The following GALNT17 variants were observed in gnomAD, a reference collection of about 807,000 sequenced individuals.
The protein encoded by GALNT17 is UDP-GalNAc:polypeptide N-acetylgalactosaminyltransferase-like 3.
A neutral mutation model predicts 63.7 loss-of-function variants in GALNT17; 29 were observed. That is an observed-to-expected ratio of 0.46 (90% CI 0.34 to 0.62). The LOEUF is 0.62. GALNT17 is among the 20% of genes least tolerant of loss of function. The probability of loss-of-function intolerance (pLI) is 0.01; values close to 1 mark genes in which losing one functional copy is unlikely to be tolerated. For missense variants in GALNT17, 603 were observed against 799.6 expected, an observed-to-expected ratio of 0.75 and a Z score of 2.97; for synonymous variants, 305 against 318.3, an observed-to-expected ratio of 0.96 and a Z score of 0.45.
chr7:71,521,409 A>G (rs1788528020), intron 5 of GALNT17, among the ~76,000 whole-genome samples: 1 of 152,086 alleles, frequency 6.6e-6, no homozygotes, highest in South Asian at 2.1e-4. Flanking sequence ...TTCATCTACC[A>G]TTCGTGTCCA....
At chr7:71,359,119 G>C (rs1401067073) in intron 2 of GALNT17, among the ~76,000 whole-genome samples, 3 of 152,242 alleles carry the variant, frequency 2.0e-5, no homozygotes, top group Non-Finnish European at 2.9e-5. Context: ...ACCATTGTTA[G>C]TGTCACAAGT....
chr7:71,410,156 GA>G (rs1485109178), intron 3 of GALNT17, among the ~76,000 whole-genome samples: 1 of 152,130 alleles, frequency 6.6e-6, no homozygotes, highest in Non-Finnish European at 1.5e-5. Context: ...TAGGCACTAA[GA>G]AACTATGATG....
chr7:71,469,046 A>C (rs897522287), intron 5 of GALNT17, among the ~76,000 whole-genome samples: 5 of 152,080 alleles, frequency 3.3e-5, no homozygotes, highest in Admixed American at 6.5e-5. Context: ...GGTAGAGAGC[A>C]CGGTGTTGGG....
chr7:71,350,355 A>T (rs1325915588), intron 2 of GALNT17, among the ~76,000 whole-genome samples: 1 of 152,184 alleles, frequency 6.6e-6, no homozygotes, highest in Non-Finnish European at 1.5e-5. Flanking sequence ...GAGACAGATG[A>T]TAAACTGGGA....
intron 7 of GALNT17, among the ~76,000 whole-genome samples, chr7:71,667,077 C>A (rs1163779761): frequency 6.6e-6 from 1 of 152,216 alleles, no homozygotes; most frequent in Non-Finnish European, 1.5e-5. Flanking sequence ...CACCCTCAGC[C>A]ACAGCTCAGT....
rs985839732 is a variant in GALNT17 at position 71,571,364 on chromosome 7, G to A, written c.1042G>A (p.Asp348Asn). The change falls in exon 6 of 11, where the codon GAT becomes AAT. Residue 348 changes from aspartate (D) to asparagine (N), a missense_variant. Coordinates refer to ENST00000333538, the MANE Select transcript of GALNT17 (RefSeq NM_022479.3). ...GEIGLLDPGM[D>N]VYGGENIELG... ...AATTGGTCTTCTGGATCCTGGCATG[G>A]ATGTATACGGAGGAGAAAATATTGA... 52 of 1,613,936 alleles carry A rather than the reference G, an allele frequency of 3.2e-5. No individual in the cohort carries two copies. Among genetic ancestry groups the A allele is most frequent in the Non-Finnish European group, 4.2e-5 (49 of 1,179,960 alleles).
chr7:71,248,669 T>C (rs1232196814), intron 1 of GALNT17, among the ~76,000 whole-genome samples: 1 of 152,194 alleles, frequency 6.6e-6, no homozygotes, highest in Non-Finnish European at 1.5e-5. Flanking sequence ...GGCTTCAGCT[T>C]TGTCATCTGT....
chr7:71,467,089 G>A (rs1298361012), intron 5 of GALNT17, among the ~76,000 whole-genome samples: 1 of 152,168 alleles, frequency 6.6e-6, no homozygotes, highest in Non-Finnish European at 1.5e-5. Flanking sequence ...ACATTGGTGG[G>A]AATGAAGTTC....
At chr7:71,669,465 C>T (rs1227386053) in intron 7 of GALNT17, among the ~76,000 whole-genome samples, 2 of 151,554 alleles carry the variant, frequency 1.3e-5, no homozygotes, top group East Asian at 2.0e-4. Flanking sequence ...GAGATGAGAT[C>T]GTGCCACTGC....
chr7:71,440,641 T>C (rs1339047358), intron 5 of GALNT17, among the ~76,000 whole-genome samples: 4 of 152,190 alleles, frequency 2.6e-5, no homozygotes, highest in Admixed American at 1.3e-4. Flanking sequence ...CCCAAAGTGC[T>C]GGGATTACAG....
chr7:71,315,379 G>A (rs1425545312), intron 1 of GALNT17, among the ~76,000 whole-genome samples: 1 of 152,176 alleles, frequency 6.6e-6, no homozygotes, highest in African/African-American at 2.4e-5. Context: ...TTGCTGTTGG[G>A]TACATACCTA....
At chr7:71,147,670 C>T (rs942330032) in intron 1 of GALNT17, among the ~76,000 whole-genome samples, 9 of 151,842 alleles carry the variant, frequency 5.9e-5, no homozygotes, top group South Asian at 2.1e-4. Flanking sequence ...CTCACTCTGT[C>T]GTCCAGGCTG....
chr7:71,435,733 TC>T (rs1314894780), intron 5 of GALNT17, among the ~76,000 whole-genome samples: 1 of 151,004 alleles, frequency 6.6e-6, no homozygotes, highest in Non-Finnish European at 1.5e-5. Flanking sequence ...AAAACTCTGA[TC>T]CCCAGCCAGG....
intron 6 of GALNT17, among the ~76,000 whole-genome samples, chr7:71,644,412 G>A (rs1790645270): frequency 6.6e-6 from 1 of 151,320 alleles, no homozygotes; most frequent in African/African-American, 2.4e-5. Flanking sequence ...GCATGCGCCT[G>A]GAATCCAAGC....
chr7:71,311,979 C>T (rs1437659454), intron 1 of GALNT17, among the ~76,000 whole-genome samples: 1 of 152,194 alleles, frequency 6.6e-6, no homozygotes, highest in Non-Finnish European at 1.5e-5. Flanking sequence ...AAGCACTTCT[C>T]CATGAGACAT....
intron 1 of GALNT17, among the ~76,000 whole-genome samples, chr7:71,309,557 A>G (rs777200487): frequency 6.6e-5 from 10 of 152,108 alleles, no homozygotes; most frequent in African/African-American, 9.7e-5. Context: ...TTACTGCAAA[A>G]GTTGTCCCCC....
At chr7:71,579,338 G>C (rs1789590234) in intron 6 of GALNT17, among the ~76,000 whole-genome samples, 1 of 152,200 alleles carries the variant, frequency 6.6e-6, no homozygotes, top group Non-Finnish European at 1.5e-5. Context: ...AGTGCCTTCT[G>C]TAGCCCAGCA....
chr7:71,247,935 G>A (rs926511006), intron 1 of GALNT17, among the ~76,000 whole-genome samples: 9 of 152,290 alleles, frequency 5.9e-5, no homozygotes, highest in African/African-American at 1.9e-4. Flanking sequence ...TTAAGTGGAA[G>A]TGGATTGTCA....
chr7:71,337,682 A>C (rs1791933073), intron 2 of GALNT17, among the ~76,000 whole-genome samples: 1 of 152,044 alleles, frequency 6.6e-6, no homozygotes, highest in African/African-American at 2.4e-5. Context: ...AGCCTGGCCA[A>C]GATAGCAAAA....
Sources: gnomAD v4.1 joint callset for allele counts (sites outside exome capture counted in the v4.1 genomes callset) on GRCh38, gnomAD v4.1.1 for gene constraint, MANE v1.5 for transcripts, NCBI Gene and HGNC (gene_info 2026-07-23, HGNC 2026-07-21) for gene names.